TOX3: variants seen among roughly 807,000 people sequenced by gnomAD.
The protein encoded by TOX3 is TOX high mobility group box family member 3.
A neutral mutation model predicts 64.3 loss-of-function variants in TOX3; 22 were observed. The ratio of observed to expected loss-of-function variants is 0.34; its 90% CI spans 0.24 to 0.49. The LOEUF (loss-of-function observed/expected upper bound fraction) is 0.49, where lower values mean the gene tolerates loss of function less well. TOX3 is among the 20% of genes least tolerant of loss of function. TOX3 has a pLI of 0.99. For synonymous variants in TOX3, 291 were observed against 273.6 expected (o/e 1.06, Z -0.63); for missense variants, 661 against 714.4 (o/e 0.93, Z 0.85).
At chr16:52,524,484 G>A (rs1223631622) in intron 1 of TOX3, among the ~76,000 whole-genome samples, 1 of 152,108 alleles carries the variant, frequency 6.6e-6, no homozygotes, top group East Asian at 1.9e-4. Flanking sequence ...ATCACCACGG[G>A]TACGTGTACT....
intron 1 of TOX3, among the ~76,000 whole-genome samples, chr16:52,498,094 A>G (rs1394394556): frequency 6.6e-6 from 1 of 152,134 alleles, no homozygotes; most frequent in African/African-American, 2.4e-5. Flanking sequence ...AAAAGACAAC[A>G]CAATTTCTAC....
chr16:52,526,538 G>A (rs774175318), intron 1 of TOX3, among the ~76,000 whole-genome samples: 1 of 151,824 alleles, frequency 6.6e-6, no homozygotes, highest in Non-Finnish European at 1.5e-5. Context: ...ATCGTTGGTC[G>A]GCAGGGGATG....
intron 4 of TOX3, among the ~76,000 whole-genome samples, chr16:52,447,651 T>G (rs1469109587): frequency 6.6e-6 from 1 of 152,144 alleles, no homozygotes. Flanking sequence ...ACTCACACAA[T>G]TGATTCAATA....
intron 1 of TOX3, among the ~76,000 whole-genome samples, chr16:52,521,240 G>T (rs535889350): frequency 3.5e-4 from 53 of 152,278 alleles, no homozygotes; most frequent in African/African-American, 1.3e-3. Context: ...AAATGGAAAT[G>T]CTTTCTATGT....
chr16:52,463,452 C>A (rs918036232), intron 3 of TOX3, among the ~76,000 whole-genome samples: 5 of 152,190 alleles, frequency 3.3e-5, no homozygotes, highest in Non-Finnish European at 7.3e-5. Flanking sequence ...TTTTTCTCTG[C>A]TGGTTATAAG....
intron 1 of TOX3, among the ~76,000 whole-genome samples, chr16:52,478,023 A>G (rs1017568090): frequency 1.3e-5 from 2 of 152,166 alleles, no homozygotes; most frequent in African/African-American, 2.4e-5. Flanking sequence ...TTTTGTATCT[A>G]TACTAATGGC....
At chr16:52,503,007 C>A (rs1962045591) in intron 1 of TOX3, among the ~76,000 whole-genome samples, 1 of 152,140 alleles carries the variant, frequency 6.6e-6, no homozygotes, top group Non-Finnish European at 1.5e-5. Flanking sequence ...AGAAGACAGA[C>A]AATACATAAA....
intron 1 of TOX3, among the ~76,000 whole-genome samples, chr16:52,527,664 A>C (rs543271419): frequency 1.3e-5 from 2 of 152,166 alleles, no homozygotes; most frequent in Non-Finnish European, 2.9e-5. Flanking sequence ...TACTCCTCAG[A>C]ATGAGTGCTG....
intron 1 of TOX3, among the ~76,000 whole-genome samples, chr16:52,535,065 G>T (rs1448072867): frequency 2.0e-5 from 3 of 152,048 alleles, no homozygotes; most frequent in African/African-American, 4.8e-5. Context: ...CACCAAAAGA[G>T]GATCATCCAA....
At chr16:52,446,370 G>T in intron 4 of TOX3, 149 bp from the exon 5 acceptor site, 1 of 753,514 alleles carries the variant, frequency 1.3e-6, no homozygotes, top group Non-Finnish European at 2.1e-6. Context: ...GGGTAAACTT[G>T]CTTGGAGTTA....
At chr16:52,517,616 A>G (rs993997630) in intron 1 of TOX3, among the ~76,000 whole-genome samples, 1 of 152,126 alleles carries the variant, frequency 6.6e-6, no homozygotes, top group East Asian at 1.9e-4. Context: ...GGTAGACTAC[A>G]TGCATCTTAC....
At position 52,546,608 on chromosome 16, in the gene TOX3, C is replaced by T. The variant is rs371232539; in HGVS notation, c.87+29G>A. ...CCCAGGATGGGGAGGTGGCCCCCGC[C>T]CCCCGGCCCACCGGCCCAGCCCGGT... On this transcript the variant is annotated intron_variant, in intron 1 of 6. Coordinates refer to ENST00000219746, the MANE Select transcript of TOX3 (RefSeq NM_001080430.4). 5,647 of 1,528,036 alleles carry T rather than the reference C, an allele frequency of 3.7e-3. 19 individuals are homozygous for T. Among genetic ancestry groups the T allele is most frequent in the Middle Eastern group, 4.7e-3 (22 of 4,660 alleles). 94.7% of individuals were successfully genotyped at this position (1,528,036 alleles called of 1,614,324 possible).
chr16:52,513,991 T>A (rs1962379620), intron 1 of TOX3, among the ~76,000 whole-genome samples: 1 of 152,216 alleles, frequency 6.6e-6, no homozygotes, highest in South Asian at 2.1e-4. Flanking sequence ...CTTGGAAAAG[T>A]TAAACTCTAA....
chr16:52,515,236 G>A (rs1355492671), intron 1 of TOX3, among the ~76,000 whole-genome samples: 1 of 151,586 alleles, frequency 6.6e-6, no homozygotes, highest in East Asian at 1.9e-4. Flanking sequence ...AAATTAAGTG[G>A]GGAGAGGCAT....
At chr16:52,498,024 T>G (rs2151462475) in intron 1 of TOX3, among the ~76,000 whole-genome samples, 1 of 152,300 alleles carries the variant, frequency 6.6e-6, no homozygotes, top group Middle Eastern at 3.4e-3. Flanking sequence ...GATTTTGGGC[T>G]AAGAATTTAA....
At chr16:52,448,575 A>G (rs537531223) in intron 4 of TOX3, among the ~76,000 whole-genome samples, 2 of 152,146 alleles carry the variant, frequency 1.3e-5, no homozygotes, top group South Asian at 4.1e-4. Flanking sequence ...GGGGGTGCTA[A>G]CATGATGTTA....
chr16:52,452,116 G>C (rs1342036042), intron 3 of TOX3, among the ~76,000 whole-genome samples: 2 of 151,950 alleles, frequency 1.3e-5, no homozygotes, highest in African/African-American at 4.8e-5. Context: ...TAAAAGGCAA[G>C]TTAAAAAATA....
intron 2 of TOX3, among the ~76,000 whole-genome samples, chr16:52,467,769 A>C (rs1453708988): frequency 6.6e-6 from 1 of 152,218 alleles, no homozygotes; most frequent in Non-Finnish European, 1.5e-5. Flanking sequence ...ACAGCAGCCC[A>C]AAATCAATAA....
chr16:52,507,175 G>T (rs573885706), intron 1 of TOX3, among the ~76,000 whole-genome samples: 2 of 152,308 alleles, frequency 1.3e-5, no homozygotes, highest in East Asian at 1.9e-4. Flanking sequence ...TTGATTCAAA[G>T]AATGGGGATA....
Sources: gnomAD v4.1 joint callset for allele counts (sites outside exome capture counted in the v4.1 genomes callset) on GRCh38, gnomAD v4.1.1 for gene constraint, MANE v1.5 for transcripts, NCBI Gene and HGNC (gene_info 2026-07-23, HGNC 2026-07-21) for gene names.